GPC6: variants seen among roughly 807,000 people sequenced by gnomAD.
GPC6 encodes glypican 6, also known as glypican-6.
Under a neutral mutation model 55.2 loss-of-function variants are expected in GPC6, and 14 were observed. The ratio of observed to expected loss-of-function variants is 0.25; its 90% confidence interval spans 0.17 to 0.40. GPC6 has a LOEUF of 0.40. Ranked by LOEUF, GPC6 falls within the 10% of genes least tolerant of loss-of-function variation. GPC6 has a pLI of 1.00. For missense variants in GPC6, 641 were observed against 708.5 expected (o/e 0.90, Z 1.08); for synonymous variants, 278 against 259.6 (o/e 1.07, Z -0.68).
chr13:93,478,221 C>T (rs994583678), intron 1 of GPC6, among the ~76,000 whole-genome samples: 19 of 152,128 alleles, frequency 1.2e-4, no homozygotes, highest in African/African-American at 4.6e-4. Context: ...GTTCTAGTCT[C>T]CAGTGAAAAA....
intron 1 of GPC6, among the ~76,000 whole-genome samples, chr13:93,380,906 T>A (rs1192725368): frequency 6.6e-6 from 1 of 152,154 alleles, no homozygotes; most frequent in African/African-American, 2.4e-5. Context: ...CATTGATTTG[T>A]CTCCAGGTAG....
At chr13:93,764,406 T>A (rs1885045277) in intron 2 of GPC6, among the ~76,000 whole-genome samples, 1 of 152,198 alleles carries the variant, frequency 6.6e-6, no homozygotes, top group East Asian at 1.9e-4. Context: ...CAAATGGACC[T>A]TGATAACTCC....
In GPC6 at chr13:93,325,210, C is replaced by T. The variant is rs543293581; in HGVS notation, c.160+97594C>T. Among the ~76,000 whole-genome samples, 4 of 152,178 alleles carry T rather than the reference C, an allele frequency of 2.6e-5. No homozygotes were observed. In the East Asian group the frequency reaches 5.8e-4, roughly 22 times the overall value. ...AGCCAGTTAGTCCCCACATAACCCC[C>T]CACAATAAAATTAAGAGGTGGTTTT... is the stretch of plus-strand genomic sequence containing the variant. On this transcript the variant is annotated intron_variant, in intron 1 of 8. Transcript: ENST00000377047.
chr13:93,889,828 C>A (rs750568129), intron 3 of GPC6, among the ~76,000 whole-genome samples: 1 of 152,096 alleles, frequency 6.6e-6, no homozygotes, highest in Non-Finnish European at 1.5e-5. Context: ...CCTCTGAACA[C>A]TGATCTCTGC....
rs186144084 is a variant in GPC6, at chr13:93,496,566, C to T, written c.161-48697C>T. 2.8e-3 allele frequency among the ~76,000 whole-genome samples: 432 copies of T among 152,318 alleles called. 1 individual carries two copies. Among genetic ancestry groups the T allele is most frequent in the Non-Finnish European group, 4.0e-3 (270 of 68,030 alleles). ...ATTATTATTTCTTAACAAAACTTAA[C>T]TAGTGTTAATCAAAAATTTTAAAGC... On this transcript the variant is annotated intron_variant, in intron 1 of 8. Coordinates refer to ENST00000377047, the MANE Select transcript of GPC6 (RefSeq NM_005708.5).
intron 6 of GPC6, among the ~76,000 whole-genome samples, chr13:94,376,620 C>A (rs1452094766): frequency 6.6e-6 from 1 of 151,846 alleles, no homozygotes; most frequent in Non-Finnish European, 1.5e-5. Context: ...AATGGCCATA[C>A]TGCCCAAGGT....
At chr13:93,834,318 C>A (rs1887651395) in intron 3 of GPC6, among the ~76,000 whole-genome samples, 1 of 152,082 alleles carries the variant, frequency 6.6e-6, no homozygotes, top group Non-Finnish European at 1.5e-5. Flanking sequence ...GTTACAGAAA[C>A]CTCATTGTGA....
intron 1 of GPC6, among the ~76,000 whole-genome samples, chr13:93,354,958 C>T (rs1880792233): frequency 6.6e-6 from 1 of 152,108 alleles, no homozygotes; most frequent in South Asian, 2.1e-4. Flanking sequence ...CTTTTATATT[C>T]AATTCAACAA....
chr13:93,654,423 G>T (rs1880563501), intron 2 of GPC6, among the ~76,000 whole-genome samples: 1 of 151,928 alleles, frequency 6.6e-6, no homozygotes, highest in South Asian at 2.1e-4. Context: ...TGCCTCCTGG[G>T]TTCAAGCGGT....
intron 3 of GPC6, among the ~76,000 whole-genome samples, chr13:93,884,437 A>G (rs1237295236): frequency 2.0e-5 from 3 of 152,070 alleles, no homozygotes; most frequent in African/African-American, 7.2e-5. Flanking sequence ...GTAAGCTATT[A>G]TGGATTTTTT....
intron 3 of GPC6, among the ~76,000 whole-genome samples, chr13:94,024,412 A>C (rs1882815399): frequency 6.6e-6 from 1 of 152,160 alleles, no homozygotes; most frequent in Non-Finnish European, 1.5e-5. Context: ...TTGGCATTTA[A>C]AGCAACATTT....
In GPC6 at chr13:93,227,507, C is replaced by G. The variant is rs758705284; in HGVS notation, c.51C>G (p.Leu17=). The part of the protein sequence containing the change: ...AVILPLLGLL[L]SLPAGADVKA... ...TTCTTCCCCTCTTGGGGCTGCTGCTCTCCCTCCCCGCCGGGGCGGATGTGA... is the reference window on the plus strand; with the variant it reads ...TTCTTCCCCTCTTGGGGCTGCTGCTGTCCCTCCCCGCCGGGGCGGATGTGA... The change falls in exon 1 of 9, where the codon CTC becomes CTG. Residue 17 remains leucine (L), a synonymous_variant. Coordinates refer to ENST00000377047, the MANE Select transcript of GPC6 (RefSeq NM_005708.5). This position sits in a 1 kb window ranked among gnomAD's most constrained non-coding sequence, Gnocchi z 4.3. 9 of 1,613,818 alleles carry G rather than the reference C, an allele frequency of 5.6e-6. No individual in the cohort carries two copies. In the African/African-American group the frequency reaches 1.2e-4, roughly 22 times the overall value.
At chr13:93,603,591 C>T (rs1213602692) in intron 2 of GPC6, among the ~76,000 whole-genome samples, 1 of 152,174 alleles carries the variant, frequency 6.6e-6, no homozygotes, top group Non-Finnish European at 1.5e-5. Flanking sequence ...CATCAAGGCT[C>T]CAGGGCCTGT....
intron 4 of GPC6, among the ~76,000 whole-genome samples, chr13:94,076,790 A>G (rs1884930103): frequency 6.6e-6 from 1 of 151,808 alleles, no homozygotes; most frequent in African/African-American, 2.4e-5. Flanking sequence ...TTAATCATAT[A>G]CATGTGGTTT....
intron 1 of GPC6, among the ~76,000 whole-genome samples, chr13:93,359,129 G>C (rs1358590164): frequency 6.6e-6 from 1 of 151,814 alleles, no homozygotes. Context: ...ACCATGCTAG[G>C]CTAATTTTAA....
intron 6 of GPC6, among the ~76,000 whole-genome samples, chr13:94,307,552 A>G (rs1282463791): frequency 6.6e-6 from 1 of 152,190 alleles, no homozygotes; most frequent in Non-Finnish European, 1.5e-5. Flanking sequence ...AGCTCAAGCA[A>G]TCCACCTGCC....
rs751748392 is a variant in GPC6 at position 93,789,507 on chromosome 13, CTCTATATA to C, written c.320-40645_320-40638del. 1.7e-3 allele frequency among the ~76,000 whole-genome samples: 150 copies of C among 89,954 alleles called. 5 individuals carry two copies. Among genetic ancestry groups the C allele is most frequent in the African/African-American group, 5.1e-3 (108 of 21,008 alleles). 59.0% of individuals were successfully genotyped at this position (89,954 alleles called of 152,430 possible). A position where few individuals can be genotyped will look rare whatever the true frequency, so the allele number is the denominator to read the frequency against. On this transcript the variant is annotated intron_variant, in intron 2 of 8. Coordinates refer to ENST00000377047, the MANE Select transcript of GPC6 (RefSeq NM_005708.5). ...ACTCTCTCTCTCTCTCTCTCTCTCT[CTCTATATA>C]TATATATATATATATATATAGTCAG...
chr13:94,220,218 C>T (rs1028185868), intron 4 of GPC6, among the ~76,000 whole-genome samples: 3 of 152,102 alleles, frequency 2.0e-5, no homozygotes, highest in Non-Finnish European at 1.5e-5. Flanking sequence ...ACCCCTCTTC[C>T]CTGGACACAG....
chr13:94,027,326 T>C (rs1882938781), intron 3 of GPC6, among the ~76,000 whole-genome samples: 1 of 152,136 alleles, frequency 6.6e-6, no homozygotes, highest in Admixed American at 6.6e-5. Context: ...ACAAAGGAAA[T>C]ATATCTGCCA....
Sources: gnomAD v4.1 joint callset for allele counts (sites outside exome capture counted in the v4.1 genomes callset) on GRCh38, gnomAD v4.1.1 for gene constraint, Gnocchi (gnomAD v3.1) non-coding constraint, MANE v1.5 for transcripts, NCBI Gene and HGNC (gene_info 2026-07-23, HGNC 2026-07-21) for gene names.